Variants in FFAR4 observed in about 807,000 individuals in gnomAD.
FFAR4 encodes free fatty acid receptor 4, also known as G-protein coupled receptor 120.
In FFAR4, 19 loss-of-function variants were observed where a neutral mutation model predicts 27.0. The observed-to-expected ratio is 0.70, with a 90% CI of 0.49 to 1.03. The LOEUF (loss-of-function observed/expected upper bound fraction) is 1.03, where lower values mean the gene tolerates loss of function less well. Among genes scored for constraint, FFAR4 ranks in the 50% least tolerant of loss-of-function variants. The pLI is 0.00. For missense variants in FFAR4, 476 were observed against 479.0 expected (o/e 0.99, Z 0.06); for synonymous variants, 254 against 215.6 (o/e 1.18, Z -1.56).
Position 93,587,391 on chromosome 10 carries a change from CA to C in FFAR4, c.869del (p.Gln290ArgfsTer27). ...CATCACCATCCTCCTCATCCTGATC[CA>C]GAACTTCAAGCAAGACCTGGTCATC... ...IIITILLILI[Q>X]NFKQDLVIWP... is the part of the protein sequence containing the mutation. On this transcript the variant is annotated frameshift_variant, in exon 3 of 3. Coordinates refer to ENST00000371481, the MANE Select transcript of FFAR4 (RefSeq NM_001195755.2). LOFTEE classifies it high-confidence loss of function. 1 of 1,614,030 alleles carries C rather than the reference CA, an allele frequency of 6.2e-7. No individual in the cohort carries two copies. The highest frequency in any genetic ancestry group is 1.1e-5 in the South Asian group (1 of 91,050).
rs530469754 is a variant in FFAR4, at chr10:93,587,796, G to C, written c.*187G>C. The C allele has an allele frequency of 3.0e-4, 178 of 601,662 alleles. 1 individual carries two copies. Among genetic ancestry groups the C allele is most frequent in the Non-Finnish European group, 4.5e-4 (161 of 354,720 alleles). 37.3% of individuals were successfully genotyped at this position (601,662 alleles called of 1,614,324 possible). A position where few individuals can be genotyped will look rare whatever the true frequency, so the allele number is the denominator to read the frequency against. Reference sequence around the variant, plus strand: ...TCATAATATTTTCCCTTTATAAAAGGATTTGTTGGCCAGGTGCAGTGGTTC... The same window carrying C: ...TCATAATATTTTCCCTTTATAAAAGCATTTGTTGGCCAGGTGCAGTGGTTC... On this transcript the variant is annotated 3_prime_UTR_variant, in exon 3 of 3. Transcript: ENST00000371481.
chr10:93,578,197 A>G (rs2058176087), intron 2 of FFAR4, among the ~76,000 whole-genome samples: 1 of 152,036 alleles, frequency 6.6e-6, no homozygotes, highest in South Asian at 2.1e-4. Flanking sequence ...CCAGTGGATC[A>G]CCTGAGGTCA....
chr10:93,577,215 A>T (rs1450418596), intron 2 of FFAR4, among the ~76,000 whole-genome samples: 1 of 152,244 alleles, frequency 6.6e-6, no homozygotes, highest in Non-Finnish European at 1.5e-5. Flanking sequence ...AGAAGGTTTA[A>T]TGCAAAGCCC....
At chr10:93,576,814 A>C (rs2134547185) in intron 2 of FFAR4, among the ~76,000 whole-genome samples, 1 of 152,250 alleles carries the variant, frequency 6.6e-6, no homozygotes, top group Admixed American at 6.5e-5. Flanking sequence ...GGCTGTGTCC[A>C]TTGTTTCCCC....
At chr10:93,574,750 T>A (rs2058153021) in intron 1 of FFAR4, among the ~76,000 whole-genome samples, 1 of 150,740 alleles carries the variant, frequency 6.6e-6, no homozygotes. Flanking sequence ...AAAAATTAGC[T>A]GGTCATGGTG....
Position 93,576,218 on chromosome 10 carries a change from A to G in FFAR4, c.695A>G (p.Gln232Arg). Residue 232 changes from glutamine (Q) to arginine (R), a missense_variant and splice_region_variant, in exon 2 of 3, where the codon CAG becomes CGG. Transcript: ENST00000371481. ...GTGATCAGTTACTCCAAAATTTTAC[A>G]GGTATGTTTTCTGCAAGTGCTGCCA... The part of the protein sequence containing the change: ...VIVISYSKIL[Q>R]ITKASRKRLT... 1 of 1,613,948 alleles carries G rather than the reference A, an allele frequency of 6.2e-7. No homozygotes were observed. The highest frequency in any genetic ancestry group is 8.5e-7 in the Non-Finnish European group (1 of 1,179,902).
rs187572909 is a variant in FFAR4 at position 93,580,324 on chromosome 10, C to T, written c.696+4105C>T. Among the ~76,000 whole-genome samples, 136 of 152,348 alleles carry T rather than the reference C, an allele frequency of 8.9e-4. No homozygotes were observed. In the Middle Eastern group the frequency reaches 0.01, roughly 11 times the overall value. On this transcript the variant is annotated intron_variant, in intron 2 of 2. Coordinates refer to ENST00000371481, the MANE Select transcript of FFAR4 (RefSeq NM_001195755.2). ...ACACCATGGGATACAAACACTACAG[C>T]ACCACCAGTCCCACTTCTCACCTGT...
Position 93,567,044 on chromosome 10 carries a change from C to A in FFAR4, c.324C>A (p.Pro108=), listed in dbSNP as rs762286533. The A allele has an allele frequency of 6.2e-7, 1 of 1,611,504 alleles. No homozygotes were observed. The highest frequency in any genetic ancestry group is 8.5e-7 in the Non-Finnish European group (1 of 1,179,796). ...VRWTEAWLLG[P]VACHLLFYVM... ...GGACTGAGGCCTGGCTGCTGGGCCC[C>A]GTTGCCTGCCACCTGCTCTTCTACG... Residue 108 remains proline (P), a synonymous_variant, in exon 1 of 3, where the codon CCC becomes CCA. Coordinates refer to ENST00000371481, the MANE Select transcript of FFAR4 (RefSeq NM_001195755.2).
At chr10:93,571,435 T>C (rs957488247) in intron 1 of FFAR4, among the ~76,000 whole-genome samples, 23 of 152,130 alleles carry the variant, frequency 1.5e-4, no homozygotes, top group Non-Finnish European at 8.8e-5. Flanking sequence ...CCCATATTCT[T>C]TTGTTTATTC....
intron 1 of FFAR4, among the ~76,000 whole-genome samples, chr10:93,574,862 G>A (rs1417273941): frequency 2.0e-5 from 3 of 152,134 alleles, no homozygotes; most frequent in Admixed American, 1.3e-4. Context: ...TCGCGCCACC[G>A]CACTCCAGAC....
intron 2 of FFAR4, 100 bp downstream of exon 2, chr10:93,576,319 C>T (rs913666035): frequency 3.1e-5 from 38 of 1,242,132 alleles, no homozygotes; most frequent in Non-Finnish European, 4.0e-5. Flanking sequence ...TAAGAGTTCA[C>T]GCCAGCTCAA....
chr10:93,579,285 C>T, intron 2 of FFAR4: 1 of 1,239,696 alleles, frequency 8.1e-7, no homozygotes, highest in Non-Finnish European at 1.2e-6. Context: ...CCTTAAGGCC[C>T]TGTGTGGTCT....
intron 1 of FFAR4, among the ~76,000 whole-genome samples, chr10:93,574,195 C>G (rs938810317): frequency 1.3e-5 from 2 of 152,118 alleles, no homozygotes; most frequent in South Asian, 4.1e-4. Flanking sequence ...TAGGGACCTG[C>G]TTTTTTCTTT....
chr10:93,570,138 C>T (rs1564781483), intron 1 of FFAR4, among the ~76,000 whole-genome samples: 1 of 151,548 alleles, frequency 6.6e-6, no homozygotes, highest in South Asian at 2.1e-4. Context: ...TTCTTTCCTA[C>T]CTGTCTGCCA....
In FFAR4 at chr10:93,567,875, G is replaced by A. The variant is rs149230748; in HGVS notation, c.567+588G>A. Among the ~76,000 whole-genome samples, 937 of 152,214 alleles carry A rather than the reference G, an allele frequency of 6.2e-3. 5 individuals carry two copies. The highest frequency in any genetic ancestry group is 0.018 in the South Asian group (89 of 4,828). On this transcript the variant is annotated intron_variant, in intron 1 of 2. Coordinates refer to ENST00000371481, the MANE Select transcript of FFAR4 (RefSeq NM_001195755.2). ...CCCAGATGCAATGCTGTCTTTAGGG[G>A]ACTTGTGACAGAATTCCCTTCCGGG...
chr10:93,566,770 T>G lies in FFAR4; in HGVS notation c.50T>G (p.Leu17Arg), dbSNP rs142230350. 22 of 1,608,006 alleles carry G rather than the reference T, an allele frequency of 1.4e-5. No individual in the cohort carries two copies. Among genetic ancestry groups the G allele is most frequent in the Non-Finnish European group, 1.9e-5 (22 of 1,179,166 alleles). The change falls in exon 1 of 3, where the codon CTG becomes CGG. Residue 17 changes from leucine to arginine, a missense_variant. Coordinates refer to ENST00000371481, the MANE Select transcript of FFAR4 (RefSeq NM_001195755.2). ...GCGGGCGACGCGCCCTTGCGCAGCC[T>G]GGAGCAAGCCAACCGCACCCGCTTT... ...RAAGDAPLRS[L>R]EQANRTRFPF...
At chr10:93,571,141 T>C (rs972826600) in intron 1 of FFAR4, among the ~76,000 whole-genome samples, 23 of 152,172 alleles carry the variant, frequency 1.5e-4, no homozygotes, top group Non-Finnish European at 2.4e-4. Context: ...GGCGAACACA[T>C]CCTAGCAACG....
intron 1 of FFAR4, among the ~76,000 whole-genome samples, chr10:93,569,848 C>T (rs1429188066): frequency 6.6e-6 from 1 of 151,668 alleles, no homozygotes; most frequent in Non-Finnish European, 1.5e-5. Context: ...CACTTGAGGT[C>T]AGGAATTGGA....
rs778249659 is a variant in FFAR4, at chr10:93,566,843, G to A, written c.123G>A (p.Ala41=). 12 of 1,600,582 alleles carry A rather than the reference G, an allele frequency of 7.5e-6. No homozygotes were observed. The highest frequency in any genetic ancestry group is 1.0e-5 in the Non-Finnish European group (12 of 1,175,356). Residue 41 remains alanine, a synonymous_variant, in exon 1 of 3, where the codon GCG becomes GCA. Coordinates refer to ENST00000371481, the MANE Select transcript of FFAR4 (RefSeq NM_001195755.2). ...VKGDHRLVLA[A]VETTVLVLIF... is the part of the protein sequence containing the mutation. ...GCGACCACCGGCTGGTGCTGGCCGC[G>A]GTGGAGACAACCGTGCTGGTGCTCA...
Sources: gnomAD v4.1 joint callset for allele counts (sites outside exome capture counted in the v4.1 genomes callset) on GRCh38, gnomAD v4.1.1 for gene constraint, MANE v1.5 for transcripts, NCBI Gene and HGNC (gene_info 2026-07-23, HGNC 2026-07-21) for gene names.